CACNA1B: variants seen among roughly 807,000 people sequenced by gnomAD.
The protein encoded by CACNA1B is calcium voltage-gated channel subunit alpha1 B.
Under a neutral mutation model 247.2 loss-of-function variants are expected in CACNA1B, and 70 were observed. The ratio of observed to expected loss-of-function variants is 0.28; its 90% CI spans 0.23 to 0.35. The LOEUF (loss-of-function observed/expected upper bound fraction) is 0.35, where lower values mean the gene tolerates loss of function less well. Among genes scored for constraint, CACNA1B ranks in the 10% least tolerant of loss-of-function variants. The pLI is 1.00. For missense variants in CACNA1B, 2,367 were observed against 3,197.4 expected, an observed-to-expected ratio of 0.74 and a Z score of 6.26; for synonymous variants, 1,231 against 1,294.4, an observed-to-expected ratio of 0.95 and a Z score of 1.05.
intron 32 of CACNA1B, among the ~76,000 whole-genome samples, chr9:138,070,266 G>T (rs1374757400): frequency 6.6e-6 from 1 of 152,186 alleles, no homozygotes; most frequent in Non-Finnish European, 1.5e-5. Context: ...GACTGACCGT[G>T]CCTTGGAGTG....
chr9:137,962,712 TC>T (rs1460023686), intron 10 of CACNA1B, among the ~76,000 whole-genome samples: 1 of 152,232 alleles, frequency 6.6e-6, no homozygotes, highest in East Asian at 1.9e-4. Flanking sequence ...AATTTCTTAA[TC>T]TTGAGTTCTA....
intron 6 of CACNA1B, among the ~76,000 whole-genome samples, chr9:137,928,232 G>A (rs556081675): frequency 6.6e-6 from 1 of 152,068 alleles, no homozygotes; most frequent in Non-Finnish European, 1.5e-5. Flanking sequence ...CAAGTAGGTG[G>A]GACTACAGGC....
At chr9:138,022,973 G>A in intron 18 of CACNA1B, 38 bp from the exon 19 acceptor site, 1 of 1,451,786 alleles carries the variant, frequency 6.9e-7, no homozygotes. Context: ...GCGGGCGGGC[G>A]GCAGACGGGG....
chr9:137,878,605 G>A (rs924340244), intron 1 of CACNA1B, among the ~76,000 whole-genome samples: 1 of 152,178 alleles, frequency 6.6e-6, no homozygotes, highest in African/African-American at 2.4e-5. Context: ...CTGGAGCCTG[G>A]CGCTGCGCGT....
At chr9:138,031,869 T>A (rs534599908) in intron 20 of CACNA1B, among the ~76,000 whole-genome samples, 1 of 152,288 alleles carries the variant, frequency 6.6e-6, no homozygotes, top group South Asian at 2.1e-4. Flanking sequence ...TTTTCAACCT[T>A]TTGCTTTCAA....
chr9:137,933,036 G>A (rs530510650), intron 6 of CACNA1B, among the ~76,000 whole-genome samples: 17 of 152,078 alleles, frequency 1.1e-4, no homozygotes, highest in South Asian at 2.1e-4. Flanking sequence ...AGGTTCGAGC[G>A]ATTCTTCTGC....
At chr9:138,015,590 T>C (rs1958781504) in intron 18 of CACNA1B, among the ~76,000 whole-genome samples, 2 of 152,370 alleles carry the variant, frequency 1.3e-5, no homozygotes, top group South Asian at 4.1e-4. Context: ...ACAGCTGTGC[T>C]GCGTGGCCTG....
chr9:138,112,978 C>A, intron 40 of CACNA1B, among the ~76,000 whole-genome samples: 1 of 148,710 alleles, frequency 6.7e-6, no homozygotes, highest in African/African-American at 2.5e-5. Flanking sequence ...GGGGAGGTGC[C>A]CAACTGCATC....
rs1959193982 is a variant in CACNA1B, at chr9:138,047,461, G to A, written c.3603+3G>A. 6.2e-7 allele frequency: 1 copy of A among 1,604,784 alleles called. No individual in the cohort carries two copies. Among genetic ancestry groups the A allele is most frequent in the African/African-American group, 1.3e-5 (1 of 74,886 alleles). On this transcript the variant is annotated splice_donor_region_variant and intron_variant, in intron 23 of 46. Transcript: ENST00000371372. The stretch of plus-strand genomic sequence containing the variant: ...TTACCTTTGAGATGGTGATAAAGGT[G>A]AGATATGTGGCTGCCCTTGTGACCC...
chr9:138,112,490 G>T lies in CACNA1B; in HGVS notation c.5521G>T (p.Val1841Leu), dbSNP rs760262263. 1 of 1,607,942 alleles carries T rather than the reference G, an allele frequency of 6.2e-7. No individual in the cohort carries two copies. Among genetic ancestry groups the T allele is most frequent in the East Asian group, 2.2e-5 (1 of 44,846 alleles). ...GCCCCAGAAGACTTTGGACTTGCTGGTACCACCCCATAAGCGTAAGTGTGA... is the reference window on the plus strand; with the variant it reads ...GCCCCAGAAGACTTTGGACTTGCTGTTACCACCCCATAAGCGTAAGTGTGA... ...NLPQKTLDLL[V>L]PPHKPDEMTV... Residue 1841 changes from valine to leucine, a missense_variant, in exon 40 of 47, where the codon GTA (valine) becomes TTA (leucine). Physicochemically the swap from Val to Leu is conservative, Grantham distance 32. Coordinates refer to ENST00000371372, the MANE Select transcript of CACNA1B (RefSeq NM_000718.4).
Position 137,974,310 on chromosome 9 carries a change from C to A in CACNA1B, c.1544-1597C>A, listed in dbSNP as rs1310494812. ...AGGGTCGCTGGGCATCCATGCCTCT[C>A]ACAGGGGGCTCTCGGCTTCTCCAGG... On this transcript the variant is annotated intron_variant, in intron 11 of 46. Coordinates refer to ENST00000371372, the MANE Select transcript of CACNA1B (RefSeq NM_000718.4). The surrounding 1 kb of genome is among the most constrained non-coding windows in gnomAD (Gnocchi z 4.5). 2.0e-5 allele frequency among the ~76,000 whole-genome samples: 3 copies of A among 152,326 alleles called. No individual in the cohort carries two copies. The East Asian group carries it at 5.8e-4, about 29-fold the overall frequency.
intron 36 of CACNA1B, among the ~76,000 whole-genome samples, chr9:138,095,082 A>G (rs1961012828): frequency 6.6e-6 from 1 of 152,244 alleles, no homozygotes; most frequent in Admixed American, 6.5e-5. Context: ...CACCAAAATC[A>G]TAAGCAACCA....
chr9:138,065,972 CCCAAGGTCTCCATCCTTAGAGTCGGCTT>C (rs1959901832), intron 31 of CACNA1B, among the ~76,000 whole-genome samples: 1 of 152,188 alleles, frequency 6.6e-6, no homozygotes, highest in Non-Finnish European at 1.5e-5. Flanking sequence ...TGAGCCACTC[CCCAAGGTCTCCATCCTTAGAGTCGGCTT>C]CCAAGGAACC....
chr9:138,064,342 T>C (rs1959839644), intron 31 of CACNA1B, among the ~76,000 whole-genome samples: 1 of 152,154 alleles, frequency 6.6e-6, no homozygotes. Context: ...GGACTCCTTC[T>C]TGTGTTGTAG....
Position 137,996,435 on chromosome 9 carries a change from C to T in CACNA1B, c.1974+9581C>T, listed in dbSNP as rs1958501762. ...AATGGAAACCCAAACATTGTGTGTTCTCACTCATAAGTGGGAGCTGAGTTA... is the reference window on the plus strand; with the variant it reads ...AATGGAAACCCAAACATTGTGTGTTTTCACTCATAAGTGGGAGCTGAGTTA... On this transcript the variant is annotated intron_variant, in intron 15 of 46. Coordinates refer to ENST00000371372, the MANE Select transcript of CACNA1B (RefSeq NM_000718.4). 2.6e-5 allele frequency among the ~76,000 whole-genome samples: 4 copies of T among 152,120 alleles called. No individual in the cohort carries two copies. The South Asian group carries it at 8.3e-4, about 32-fold the overall frequency.
At chr9:138,088,708 G>A (rs145543338) in intron 36 of CACNA1B, among the ~76,000 whole-genome samples, 63 of 151,702 alleles carry the variant, frequency 4.2e-4, no homozygotes, top group African/African-American at 1.2e-3. Flanking sequence ...TAATCCCAGC[G>A]CTTTGTGAGG....
Position 138,054,079 on chromosome 9 carries a change from C to A in CACNA1B, c.3968+73C>A. The A allele has an allele frequency of 7.0e-7, 1 of 1,426,842 alleles. No individual in the cohort carries two copies. The highest frequency in any genetic ancestry group is 1.7e-5 in the Admixed American group (1 of 58,978). 88.4% of individuals were successfully genotyped at this position (1,426,842 alleles called of 1,614,324 possible). ...GACAACACTGGGAGTTCCCTTGGGA[C>A]CAGGTGGAGCTGGTCACACGGCGTG... On this transcript the variant is annotated intron_variant, in intron 26 of 46. Transcript: ENST00000371372. The surrounding 1 kb of genome is among the most constrained non-coding windows in gnomAD (Gnocchi z 4.6).
rs1961232124 is a variant in CACNA1B at position 138,100,998 on chromosome 9, C to T, written c.5223-1713C>T. The T allele has an allele frequency of 2.3e-6, 1 of 441,502 alleles. No individual in the cohort carries two copies. Among genetic ancestry groups the T allele is most frequent in the African/African-American group, 2.0e-5 (1 of 49,804 alleles). The allele number at this position is 441,502 out of a possible 1,614,324, so 27.3% of individuals were successfully genotyped here. A position where few individuals can be genotyped will look rare whatever the true frequency, so the allele number is the denominator to read the frequency against. On this transcript the variant is annotated intron_variant, in intron 37 of 46. Coordinates refer to ENST00000371372, the MANE Select transcript of CACNA1B (RefSeq NM_000718.4). The surrounding 1 kb of genome is among the most constrained non-coding windows in gnomAD (Gnocchi z 4.6). ...CTGTCCAGTGCACCCCTCACCTCCG[C>T]CGCCACGCCTGCGCGAGGTCGGTCT...
chr9:137,925,279 G>A (rs1481563026), intron 6 of CACNA1B, among the ~76,000 whole-genome samples: 1 of 152,234 alleles, frequency 6.6e-6, no homozygotes, highest in Non-Finnish European at 1.5e-5. Context: ...GGTATAGGGG[G>A]AGGCAACTGG....
Sources: allele counts gnomAD v4.1 joint callset (sites outside exome capture counted in the v4.1 genomes callset), GRCh38; gene constraint gnomAD v4.1.1; non-coding constraint Gnocchi (gnomAD v3.1); transcripts MANE v1.5; gene names NCBI Gene and HGNC (gene_info 2026-07-23, HGNC 2026-07-21).